FOXP1: variants seen among roughly 807,000 people sequenced by gnomAD.
FOXP1 encodes forkhead box P1.
A neutral mutation model predicts 98.2 loss-of-function variants in FOXP1; 15 were observed. The ratio of observed to expected loss-of-function variants is 0.15; its 90% CI spans 0.10 to 0.24. FOXP1 has a LOEUF of 0.24. Ranked by LOEUF, FOXP1 falls within the 10% of genes least tolerant of loss-of-function variation. The pLI, the probability that FOXP1 is intolerant of heterozygous loss-of-function variation, is 1.00. For missense variants in FOXP1, 633 were observed against 848.5 expected (o/e 0.75, Z 3.15); for synonymous variants, 371 against 314.5 (o/e 1.18, Z -1.90).
intron 5 of FOXP1, among the ~76,000 whole-genome samples, chr3:71,212,008 T>C (rs2064507892): frequency 6.6e-6 from 1 of 152,190 alleles, no homozygotes; most frequent in African/African-American, 2.4e-5. Flanking sequence ...TAACCAATGA[T>C]ATTAAATTCT....
chr3:71,275,428 C>T (rs1472316633), intron 5 of FOXP1, among the ~76,000 whole-genome samples: 1 of 152,196 alleles, frequency 6.6e-6, no homozygotes, highest in Non-Finnish European at 1.5e-5. Context: ...GTCGCTTTTC[C>T]TTACTGCATT....
At chr3:71,515,355 C>T (rs2042487155) in intron 2 of FOXP1, among the ~76,000 whole-genome samples, 2 of 141,384 alleles carry the variant, frequency 1.4e-5, no homozygotes, top group Admixed American at 1.5e-4. Flanking sequence ...TGTTGTTTTA[C>T]ACTAAGATGT....
chr3:71,499,489 T>C (rs1283124071), intron 2 of FOXP1, among the ~76,000 whole-genome samples: 3 of 152,332 alleles, frequency 2.0e-5, no homozygotes, highest in African/African-American at 4.8e-5. Context: ...CATGCAGATA[T>C]ATACATCTTC....
chr3:71,208,383 A>C (rs2064202727), intron 5 of FOXP1, among the ~76,000 whole-genome samples: 1 of 152,200 alleles, frequency 6.6e-6, no homozygotes, highest in Admixed American at 6.5e-5. Flanking sequence ...CATTACACTA[A>C]GGAAATCTCT....
intron 3 of FOXP1, among the ~76,000 whole-genome samples, chr3:71,400,310 G>A (rs1458129319): frequency 6.6e-6 from 1 of 152,042 alleles, no homozygotes; most frequent in African/African-American, 2.4e-5. Context: ...GGTAGTTAGT[G>A]TATTGGGTGT....
At chr3:71,264,965 T>C (rs1008243441) in intron 5 of FOXP1, among the ~76,000 whole-genome samples, 8 of 152,280 alleles carry the variant, frequency 5.3e-5, no homozygotes, top group East Asian at 1.9e-4. Flanking sequence ...CAAGATCACA[T>C]AGCGAGAAAG....
chr3:71,530,758 C>T (rs549710887), intron 2 of FOXP1, among the ~76,000 whole-genome samples: 6 of 152,186 alleles, frequency 3.9e-5, no homozygotes, highest in South Asian at 2.1e-4. Flanking sequence ...AACCAGAAAA[C>T]GAAGAGTGGG....
chr3:71,006,621 G>C (rs1297327603), intron 12 of FOXP1, among the ~76,000 whole-genome samples: 1 of 152,096 alleles, frequency 6.6e-6, no homozygotes, highest in Non-Finnish European at 1.5e-5. Context: ...GTCAATAAAA[G>C]TATGGAGCAA....
intron 7 of FOXP1, among the ~76,000 whole-genome samples, chr3:71,111,291 C>T (rs370823930): frequency 1.3e-4 from 20 of 152,306 alleles, no homozygotes; most frequent in African/African-American, 9.6e-5. Context: ...ACTTAGGACC[C>T]GGGTGCCAAG....
rs150597810 is a variant in FOXP1, at chr3:71,418,350, C to T, written c.-167-59106G>A. Among the ~76,000 whole-genome samples the T allele has an allele frequency of 1.4e-3, 220 of 152,180 alleles. 1 individual carries two copies. The highest frequency in any genetic ancestry group is 5.1e-3 in the African/African-American group (213 of 41,530). ...GAACCTTTACAAGGCTGTGACAGGG[C>T]GACCACAGAAAGGCCATTTGCATAT... On this transcript the variant is annotated intron_variant, in intron 3 of 20. Transcript: ENST00000649528.
At chr3:71,025,803 C>T (rs918671686) in intron 11 of FOXP1, among the ~76,000 whole-genome samples, 6 of 152,134 alleles carry the variant, frequency 3.9e-5, no homozygotes, top group Non-Finnish European at 8.8e-5. Context: ...GAGTAAACTA[C>T]TGAATCAATG....
intron 2 of FOXP1, among the ~76,000 whole-genome samples, chr3:71,560,229 C>G: frequency 1.3e-5 from 2 of 152,156 alleles, no homozygotes; most frequent in East Asian, 3.8e-4. Flanking sequence ...TTGTCACCAC[C>G]ACTGTGTAAT....
At chr3:71,329,456 G>A (rs1056677990) in intron 4 of FOXP1, among the ~76,000 whole-genome samples, 4 of 85,852 alleles carry the variant, frequency 4.7e-5, no homozygotes, top group East Asian at 1.1e-3. Context: ...CTCCTACCTC[G>A]TGATCACCCG....
intron 2 of FOXP1, among the ~76,000 whole-genome samples, chr3:71,560,191 G>A (rs562768564): frequency 5.4e-5 from 8 of 148,490 alleles, no homozygotes; most frequent in Non-Finnish European, 9.2e-5. Flanking sequence ...AAAAAATAAC[G>A]GTGCTCCATA....
intron 5 of FOXP1, among the ~76,000 whole-genome samples, chr3:71,279,498 A>G (rs2071285210): frequency 1.3e-5 from 2 of 152,144 alleles, no homozygotes; most frequent in South Asian, 4.1e-4. Context: ...AAAATATCCC[A>G]CAAATCACAG....
intron 5 of FOXP1, among the ~76,000 whole-genome samples, chr3:71,256,880 C>T (rs893684302): frequency 3.3e-5 from 5 of 151,702 alleles, no homozygotes; most frequent in African/African-American, 1.2e-4. Flanking sequence ...GTGGCTGCGA[C>T]GAGCTGGGGA....
intron 5 of FOXP1, among the ~76,000 whole-genome samples, chr3:71,214,065 C>T (rs1426814449): frequency 1.3e-5 from 2 of 151,548 alleles, no homozygotes; most frequent in Middle Eastern, 7.0e-3. Context: ...TGAGAAACAG[C>T]CAGAAGCTGG....
intron 5 of FOXP1, among the ~76,000 whole-genome samples, chr3:71,291,805 C>G (rs1464474572): frequency 6.8e-6 from 1 of 146,560 alleles, no homozygotes; most frequent in Non-Finnish European, 1.5e-5. Context: ...CTCCCGGGTT[C>G]AAGTGATTTT....
rs989871187 is a variant in FOXP1, at chr3:71,064,752, C to A, written c.283-10979G>T. 5 of 975,968 alleles carry A rather than the reference C, an allele frequency of 5.1e-6. No homozygotes were observed. The African/African-American group carries it at 8.8e-5, about 17-fold the overall frequency. The allele number at this position is 975,968 out of a possible 1,614,324, so 60.5% of individuals were successfully genotyped here. Reference sequence around the variant, plus strand: ...GCTCTCCTGCCTTCCCCAGCGAGGCCCCCAGGAAGCGGGCGCCGCGGAGCC... The same window carrying A: ...GCTCTCCTGCCTTCCCCAGCGAGGCACCCAGGAAGCGGGCGCCGCGGAGCC... On this transcript the variant is annotated intron_variant, in intron 7 of 20. Coordinates refer to ENST00000649528, the MANE Select transcript of FOXP1 (RefSeq NM_001349338.3).
Sources: gnomAD v4.1 joint callset for allele counts (sites outside exome capture counted in the v4.1 genomes callset) on GRCh38, gnomAD v4.1.1 for gene constraint, MANE v1.5 for transcripts, NCBI Gene and HGNC (gene_info 2026-07-23, HGNC 2026-07-21) for gene names.